DYRK1A: variants seen among roughly 807,000 people sequenced by gnomAD.
The protein encoded by DYRK1A is dual specificity tyrosine phosphorylation regulated kinase 1A.
Under a neutral mutation model 79.7 loss-of-function variants are expected in DYRK1A, and 9 were observed. That is an observed-to-expected ratio of 0.11 (90% CI 0.07 to 0.20). The LOEUF (loss-of-function observed/expected upper bound fraction) is 0.20. Among genes scored for constraint, DYRK1A ranks in the 10% least tolerant of loss-of-function variants. The probability of loss-of-function intolerance (pLI) is 1.00; values close to 1 mark genes in which losing one functional copy is unlikely to be tolerated. For synonymous variants in DYRK1A, 349 were observed against 329.7 expected (o/e 1.06, Z -0.63); for missense variants, 622 against 956.0 (o/e 0.65, Z 4.61).
intron 2 of DYRK1A, among the ~76,000 whole-genome samples, chr21:37,463,603 G>A (rs2051925565): frequency 6.6e-6 from 1 of 152,088 alleles, no homozygotes; most frequent in South Asian, 2.1e-4. Context: ...TATTCCTGAT[G>A]GATTCAGTTC....
At chr21:37,419,383 A>T (rs1202362030) in intron 1 of DYRK1A, 1 of 152,106 alleles carries the variant, frequency 6.6e-6, no homozygotes, top group Non-Finnish European at 1.5e-5. Flanking sequence ...CTTATTTTAG[A>T]ATTTGTCTGG....
chr21:37,496,390 T>G, intron 9 of DYRK1A, 132 bp downstream of exon 9: 1 of 909,482 alleles, frequency 1.1e-6, no homozygotes, highest in Non-Finnish European at 1.6e-6. Flanking sequence ...CTTACATAGA[T>G]ATTTTGTTCA....
At chr21:37,483,060 T>A (rs2052714131) in intron 5 of DYRK1A, among the ~76,000 whole-genome samples, 1 of 152,138 alleles carries the variant, frequency 6.6e-6, no homozygotes, top group African/African-American at 2.4e-5. Context: ...TGAGGCGACA[T>A]ACATCCTCCT....
At chr21:37,437,015 T>C (rs1035992138) in intron 2 of DYRK1A, among the ~76,000 whole-genome samples, 1 of 152,148 alleles carries the variant, frequency 6.6e-6, no homozygotes, top group African/African-American at 2.4e-5. Flanking sequence ...TCTTGAGGAA[T>C]GGGCAGTATT....
At chr21:37,467,869 A>C (rs1477632674) in intron 2 of DYRK1A, among the ~76,000 whole-genome samples, 1 of 152,148 alleles carries the variant, frequency 6.6e-6, no homozygotes, top group East Asian at 1.9e-4. Flanking sequence ...CAGCAAGTAG[A>C]ATAAGGCAAG....
Position 37,416,612 on chromosome 21 carries a change from G to A in DYRK1A, c.-76-3687G>A, listed in dbSNP as rs988698587. ...CTTTCTTCTGTCACTTCTTTAATTC[G>A]TTAGTGTAAATGAGCCAAAGTTTAT... On this transcript the variant is annotated intron_variant, in intron 1 of 11. Transcript: ENST00000647188. Among the ~76,000 whole-genome samples the A allele has an allele frequency of 2.6e-5, 4 of 151,868 alleles. 1 individual carries two copies. Among genetic ancestry groups the A allele is most frequent in the East Asian group, 3.8e-4 (2 of 5,196 alleles).
chr21:37,412,444 A>G (rs985310336), intron 1 of DYRK1A, among the ~76,000 whole-genome samples: 1 of 152,222 alleles, frequency 6.6e-6, no homozygotes, highest in African/African-American at 2.4e-5. Flanking sequence ...ACATCTTGTT[A>G]AAACAAAACA....
chr21:37,492,738 A>G (rs186595683), intron 7 of DYRK1A, among the ~76,000 whole-genome samples: 6 of 152,252 alleles, frequency 3.9e-5, no homozygotes, highest in Admixed American at 2.6e-4. Flanking sequence ...CTAGTGAGGC[A>G]TAATTGTTTT....
rs2052470685 is a variant in DYRK1A at position 37,478,214 on chromosome 21, A to G, written c.214A>G (p.Met72Val). ...TGATATTGTCATGTTACAGAGGCGG[A>G]TGCCCCAAACCTTCCGTGACCCAGC... ...IQQPLTNQRR[M>V]PQTFRDPATA... The change falls in exon 4 of 12, where the codon ATG (methionine) becomes GTG (valine). Residue 72 changes from methionine (M) to valine (V), a missense_variant. Around this residue, in one of 5 missense-constraint regions of DYRK1A, gnomAD observed 91 missense variants for 113.8 expected, o/e 0.80. Coordinates refer to ENST00000647188, the MANE Select transcript of DYRK1A (RefSeq NM_001347721.2). The G allele has an allele frequency of 1.9e-6, 3 of 1,614,042 alleles. No individual in the cohort carries two copies. The highest frequency in any genetic ancestry group is 2.2e-5 in the South Asian group (2 of 91,082).
intron 7 of DYRK1A, among the ~76,000 whole-genome samples, chr21:37,490,755 G>A (rs1055048464): frequency 6.6e-6 from 1 of 151,766 alleles, no homozygotes; most frequent in Non-Finnish European, 1.5e-5. Context: ...AATGCAAATA[G>A]CAATACTTTG....
At chr21:37,471,456 C>G (rs911981574) in intron 2 of DYRK1A, among the ~76,000 whole-genome samples, 2 of 152,200 alleles carry the variant, frequency 1.3e-5, no homozygotes, top group Admixed American at 6.5e-5. Flanking sequence ...TGGGCACTGG[C>G]CCCATGAGCC....
intron 8 of DYRK1A, among the ~76,000 whole-genome samples, chr21:37,493,930 C>CTTCTTTTTTTTTTTTTTTTTTTT: frequency 9.6e-6 from 1 of 104,480 alleles, no homozygotes; most frequent in Non-Finnish European, 2.0e-5. Context: ...CCTTTTAATT[C>CTTCTTTTTTTTTTTTTTTTTTTT]TTCTTTTTTT....
At chr21:37,476,011 A>G (rs976069554) in intron 3 of DYRK1A, among the ~76,000 whole-genome samples, 6 of 152,216 alleles carry the variant, frequency 3.9e-5, no homozygotes, top group African/African-American at 9.6e-5. Flanking sequence ...TGCTCAACAA[A>G]TAGCCTAAAA....
At chr21:37,440,462 A>C (rs2051069255) in intron 2 of DYRK1A, among the ~76,000 whole-genome samples, 1 of 151,970 alleles carries the variant, frequency 6.6e-6, no homozygotes, top group African/African-American at 2.4e-5. Context: ...CTAGTGTATT[A>C]AGGTAAAAAG....
chr21:37,470,668 T>C (rs1036252575), intron 2 of DYRK1A, among the ~76,000 whole-genome samples: 4 of 152,222 alleles, frequency 2.6e-5, no homozygotes, highest in Admixed American at 2.6e-4. Flanking sequence ...TTCCTACCTT[T>C]TTCTTTTTAA....
In DYRK1A at chr21:37,506,236, G is replaced by A. The variant is rs752956372; in HGVS notation, c.1644+13G>A. On this transcript the variant is annotated intron_variant, in intron 11 of 11. Coordinates refer to ENST00000647188, the MANE Select transcript of DYRK1A (RefSeq NM_001347721.2). ...ACACAGTCCCCAGGTGAGCTCGCAC[G>A]TGGTTCATTTGCTTGTGTCACCTGC... The A allele has an allele frequency of 1.2e-5, 20 of 1,613,930 alleles. No homozygotes were observed. In the Middle Eastern group the frequency reaches 6.6e-4, roughly 53 times the overall value.
At chr21:37,424,393 G>A (rs959146719) in intron 2 of DYRK1A, among the ~76,000 whole-genome samples, 1 of 152,124 alleles carries the variant, frequency 6.6e-6, no homozygotes. Flanking sequence ...ATATAGATAA[G>A]TATAAGGAAA....
chr21:37,398,122 TTATA>T, intron 1 of DYRK1A, among the ~76,000 whole-genome samples: 1 of 147,990 alleles, frequency 6.8e-6, no homozygotes, highest in Non-Finnish European at 1.5e-5. Context: ...TATTTTATAT[TTATA>T]TATGTGTATA....
intron 1 of DYRK1A, among the ~76,000 whole-genome samples, chr21:37,401,759 A>G (rs1181970096): frequency 1.3e-5 from 2 of 152,176 alleles, no homozygotes; most frequent in African/African-American, 2.4e-5. Flanking sequence ...CTGGGATTAC[A>G]GATGTGAGTC....
Sources: allele counts gnomAD v4.1 joint callset (sites outside exome capture counted in the v4.1 genomes callset), GRCh38; gene constraint gnomAD v4.1.1; regional missense constraint gnomAD v4.1.1; transcripts MANE v1.5; gene names NCBI Gene and HGNC (gene_info 2026-07-23, HGNC 2026-07-21).